SLC6A20: variants seen among roughly 807,000 people sequenced by gnomAD.
SLC6A20 encodes the protein sodium- and chloride-dependent transporter XTRP3.
Under a neutral mutation model 64.3 loss-of-function variants are expected in SLC6A20, and 73 were observed. That is an observed-to-expected ratio of 1.14 (90% CI 0.94 to 1.38). The LOEUF (loss-of-function observed/expected upper bound fraction) is 1.38. Among genes scored for constraint, SLC6A20 ranks in the 40% most tolerant of loss-of-function variants. The pLI is 0.00. For synonymous variants in SLC6A20, 347 were observed against 329.6 expected, an observed-to-expected ratio of 1.05 and a Z score of -0.57; for missense variants, 725 against 772.8, an observed-to-expected ratio of 0.94 and a Z score of 0.73.
chr3:45,760,994 C>T (rs553962334), intron 9 of SLC6A20, among the ~76,000 whole-genome samples: 10 of 152,182 alleles, frequency 6.6e-5, no homozygotes, highest in East Asian at 1.9e-4. Flanking sequence ...GTGGGTGTGA[C>T]GTCACCAGCT....
Position 45,760,013 on chromosome 3 carries a change from A to G in SLC6A20, c.1473T>C (p.Ser491=). ...CTCGGCCGGTCATGGCCTTAAGGTCACTTTCAAATCTATTTGGAAAACAGG... is the reference window on the plus strand; with the variant it reads ...CTCGGCCGGTCATGGCCTTAAGGTCGCTTTCAAATCTATTTGGAAAACAGG... ...CYVYGLRRFE[S]DLKAMTGRAV... is the part of the protein sequence containing the mutation. The change falls in exon 10 of 11, where the codon AGT becomes AGC. Residue 491 remains serine, a synonymous_variant. Transcript: ENST00000358525. The G allele has an allele frequency of 2.5e-6, 4 of 1,609,798 alleles. No homozygotes were observed. Among genetic ancestry groups the G allele is most frequent in the Non-Finnish European group, 3.4e-6 (4 of 1,178,440 alleles).
chr3:45,781,518 G>T lies in SLC6A20; in HGVS notation c.262+565C>A, dbSNP rs951033644. Among the ~76,000 whole-genome samples the T allele has an allele frequency of 4.6e-5, 7 of 152,140 alleles. No homozygotes were observed. In the East Asian group the frequency reaches 1.3e-3, roughly 29 times the overall value. ...TGGAGGTTGTCCTGGAAGTGCCTGG[G>T]GCTCTGGCTCAAGGTCACTCAGGAG... is the stretch of plus-strand genomic sequence containing the variant. On this transcript the variant is annotated intron_variant, in intron 2 of 10. Transcript: ENST00000358525.
rs1030077499 is a variant in SLC6A20 at position 45,765,938 on chromosome 3, A to G, written c.1099-197T>C. Among the ~76,000 whole-genome samples the G allele has an allele frequency of 1.3e-5, 2 of 152,230 alleles. No homozygotes were observed. The highest frequency in any genetic ancestry group is 2.9e-5 in the Non-Finnish European group (2 of 68,040). On this transcript the variant is annotated intron_variant, in intron 7 of 10. Coordinates refer to ENST00000358525, the MANE Select transcript of SLC6A20 (RefSeq NM_020208.4). The surrounding 1 kb of genome is among the most constrained non-coding windows in gnomAD (Gnocchi z 4.2). ...AATGGGAGCTGCCAGGAGCTCATAT[A>G]TGCAAAGCACGTGAGAACTTGTAGC...
rs755078975 is a variant in SLC6A20, at chr3:45,772,556, G to GC, written c.641dup (p.Leu215ProfsTer53). The GC allele has an allele frequency of 6.2e-7, 1 of 1,613,994 alleles. No homozygotes were observed. Among genetic ancestry groups the GC allele is most frequent in the Non-Finnish European group, 8.5e-7 (1 of 1,179,970 alleles). On this transcript the variant is annotated frameshift_variant, in exon 5 of 11. Transcript: ENST00000358525. LOFTEE classifies it high-confidence loss of function. The stretch of plus-strand genomic sequence containing the variant: ...CATTGGTGGCTCCGTGGAGCGTGAG[G>GC]CCCCTGATGAGGTAGATGATGAGCA...
chr3:45,775,765 C>T lies in SLC6A20; in HGVS notation c.578G>A (p.Gly193Asp). ...TTCTGTGCCTCACTGTCCCACCTTG[C>T]CAGTGGACTCGGTGCCACGCAGGAT... ...LCILRGTEST[G>D]KVVYFTASLP... The change falls in exon 4 of 11, where the codon GGC becomes GAC. Residue 193 changes from glycine to aspartate, a missense_variant. Physicochemically the swap from Gly to Asp is moderately conservative, Grantham distance 94 (BLOSUM62 -1). Coordinates refer to ENST00000358525, the MANE Select transcript of SLC6A20 (RefSeq NM_020208.4). The T allele has an allele frequency of 6.2e-7, 1 of 1,613,248 alleles. No individual in the cohort carries two copies.
intron 4 of SLC6A20, 133 bp downstream of exon 4, chr3:45,775,628 A>G: frequency 1.3e-6 from 1 of 798,644 alleles, no homozygotes; most frequent in Admixed American, 2.6e-5. Flanking sequence ...CCTCTGCCCT[A>G]ACATAGCTGC....
Position 45,765,811 on chromosome 3 carries a change from A to G in SLC6A20, c.1099-70T>C. ...TAGTCTTATTCACGCACTCAGTACT[A>G]AGCAACATGGGGGACCTTGGAAGTG... On this transcript the variant is annotated intron_variant, in intron 7 of 10. Coordinates refer to ENST00000358525, the MANE Select transcript of SLC6A20 (RefSeq NM_020208.4). This position sits in a 1 kb window ranked among gnomAD's most constrained non-coding sequence, Gnocchi z 4.2. 5.8e-6 allele frequency: 9 copies of G among 1,545,778 alleles called. No homozygotes were observed. The South Asian group carries it at 1.0e-4, about 18-fold the overall frequency.
rs1699581654 is a variant in SLC6A20, at chr3:45,758,106, T to G, written c.*872A>C. 2 of 159,766 alleles carry G rather than the reference T, an allele frequency of 1.3e-5. No individual in the cohort carries two copies. Among genetic ancestry groups the G allele is most frequent in the Non-Finnish European group, 2.7e-5 (2 of 72,798 alleles). 9.9% of individuals were successfully genotyped at this position (159,766 alleles called of 1,614,324 possible). A position where few individuals can be genotyped will look rare whatever the true frequency, so the allele number is the denominator to read the frequency against. On this transcript the variant is annotated 3_prime_UTR_variant, in exon 11 of 11. Transcript: ENST00000358525. The stretch of plus-strand genomic sequence containing the variant: ...AATTTTTTTGTATTTTTAGTAGAAA[T>G]GGGGTTTCGCCATGTTGGCCAGGCT...
chr3:45,764,334 G>T (rs1442753195), intron 8 of SLC6A20, among the ~76,000 whole-genome samples: 1 of 152,180 alleles, frequency 6.6e-6, no homozygotes, highest in Non-Finnish European at 1.5e-5. Flanking sequence ...CAACATGAGT[G>T]GATCTCACAG....
In SLC6A20 at chr3:45,758,346, A is replaced by G. The variant is rs1428656422; in HGVS notation, c.*632T>C. 11 of 1,140,608 alleles carry G rather than the reference A, an allele frequency of 9.6e-6. No individual in the cohort carries two copies. The highest frequency in any genetic ancestry group is 5.3e-5 in the South Asian group (4 of 75,132). The allele number at this position is 1,140,608 out of a possible 1,614,324, so 70.7% of individuals were successfully genotyped here. ...GGGGTTGCAAACTGTAGTTGGGGCA[A>G]TTTTTTGTAGAGAGGTCTGGTCCTG... On this transcript the variant is annotated 3_prime_UTR_variant, in exon 11 of 11. Coordinates refer to ENST00000358525, the MANE Select transcript of SLC6A20 (RefSeq NM_020208.4).
chr3:45,759,804 GC>G, intron 10 of SLC6A20, 52 bp downstream of exon 10: 11 of 1,556,822 alleles, frequency 7.1e-6, no homozygotes, highest in Non-Finnish European at 8.7e-6. Flanking sequence ...AATGGCCCAT[GC>G]TTTTCAGTGG....
Position 45,771,215 on chromosome 3 carries a change from A to G in SLC6A20, c.935+2T>C, listed in dbSNP as rs1559565055. The G allele has an allele frequency of 6.2e-7, 1 of 1,614,162 alleles. No homozygotes were observed. The highest frequency in any genetic ancestry group is 8.5e-7 in the Non-Finnish European group (1 of 1,180,020). On this transcript the variant is annotated splice_donor_variant, in intron 6 of 10. Coordinates refer to ENST00000358525, the MANE Select transcript of SLC6A20 (RefSeq NM_020208.4). LOFTEE classifies it high-confidence loss of function. ...GGACTCGGTGGGACAGCCCAGGCTT[A>G]CTTCTTCAAGCAGTTTTCATAATTG...
intron 1 of SLC6A20, among the ~76,000 whole-genome samples, chr3:45,785,782 C>T (rs952703702): frequency 6.6e-6 from 1 of 152,168 alleles, no homozygotes. Context: ...GGAGTCTATT[C>T]CCCACACTGT....
rs1054814449 is a variant in SLC6A20 at position 45,786,235 on chromosome 3, C to T, written c.122-4012G>A. On this transcript the variant is annotated intron_variant, in intron 1 of 10. Coordinates refer to ENST00000358525, the MANE Select transcript of SLC6A20 (RefSeq NM_020208.4). Reference sequence around the variant, plus strand: ...AAAATCAGGGAATTAACACCAACATCAAACTATTATTTTATCTGCAGCCCT... The same window carrying T: ...AAAATCAGGGAATTAACACCAACATTAAACTATTATTTTATCTGCAGCCCT... 2.0e-5 allele frequency among the ~76,000 whole-genome samples: 3 copies of T among 152,180 alleles called. No homozygotes were observed. In the South Asian group the frequency reaches 6.2e-4, roughly 32 times the overall value.
At position 45,794,880 on chromosome 3, in the gene SLC6A20, C is replaced by T. The variant is rs1294041259; in HGVS notation, c.121+1419G>A. Among the ~76,000 whole-genome samples the T allele has an allele frequency of 2.6e-5, 4 of 152,164 alleles. No homozygotes were observed. The East Asian group carries it at 7.7e-4, about 29-fold the overall frequency. ...CTGTTAGAGCATATGGCAACATATGCCCTTCACATCATTATGGTGTATTTA... is the reference window on the plus strand; with the variant it reads ...CTGTTAGAGCATATGGCAACATATGTCCTTCACATCATTATGGTGTATTTA... On this transcript the variant is annotated intron_variant, in intron 1 of 10. Transcript: ENST00000358525.
At chr3:45,790,899 T>G (rs1434946395) in intron 1 of SLC6A20, among the ~76,000 whole-genome samples, 2 of 152,204 alleles carry the variant, frequency 1.3e-5, no homozygotes, top group Non-Finnish European at 2.9e-5. Flanking sequence ...CACCTGGGGT[T>G]TCTGGCCATT....
intron 3 of SLC6A20, 127 bp downstream of exon 3, chr3:45,779,882 C>T: frequency 9.9e-7 from 1 of 1,010,102 alleles, no homozygotes; most frequent in Non-Finnish European, 1.5e-6. Context: ...CCACCTCACA[C>T]CACCCACCGG....
chr3:45,791,555 T>G (rs1340394413), intron 1 of SLC6A20: 1 of 152,286 alleles, frequency 6.6e-6, no homozygotes, highest in Non-Finnish European at 1.5e-5. Flanking sequence ...GGATGGTGTA[T>G]CAGTCTGTTC....
At chr3:45,783,103 T>A (rs1290097389) in intron 1 of SLC6A20, among the ~76,000 whole-genome samples, 1 of 152,250 alleles carries the variant, frequency 6.6e-6, no homozygotes, top group African/African-American at 2.4e-5. Flanking sequence ...ACTAAGCACT[T>A]ACTCTGGGCC....
Sources: allele counts gnomAD v4.1 joint callset (sites outside exome capture counted in the v4.1 genomes callset), GRCh38; gene constraint gnomAD v4.1.1; non-coding constraint Gnocchi (gnomAD v3.1); transcripts MANE v1.5; gene names NCBI Gene and HGNC (gene_info 2026-07-23, HGNC 2026-07-21).